The following ZNRF3 variants were observed in gnomAD, a reference collection of about 807,000 sequenced individuals.
ZNRF3 encodes the protein E3 ubiquitin-protein ligase ZNRF3.
In ZNRF3, 23 loss-of-function variants were observed where a neutral mutation model predicts 72.5. That is an observed-to-expected ratio of 0.32 (90% CI 0.23 to 0.45). The LOEUF (loss-of-function observed/expected upper bound fraction) is 0.45. ZNRF3 is among the 20% of genes least tolerant of loss of function. The pLI is 1.00. For missense variants in ZNRF3, 1,169 were observed against 1,272.1 expected (o/e 0.92, Z 1.23); for synonymous variants, 610 against 545.3 (o/e 1.12, Z -1.65).
intron 2 of ZNRF3, among the ~76,000 whole-genome samples, chr22:29,036,622 A>T (rs972196253): frequency 2.6e-5 from 4 of 152,250 alleles, no homozygotes; most frequent in Admixed American, 6.5e-5. Flanking sequence ...TTGGGTGGGT[A>T]TATAAGAGGA....
chr22:28,962,919 C>T (rs181879719), intron 1 of ZNRF3, among the ~76,000 whole-genome samples: 1 of 152,234 alleles, frequency 6.6e-6, no homozygotes, highest in Admixed American at 6.5e-5. Context: ...TGCACAGTGG[C>T]TTGTACCCTG....
At chr22:28,912,718 G>A (rs1448969581) in intron 1 of ZNRF3, among the ~76,000 whole-genome samples, 2 of 144,930 alleles carry the variant, frequency 1.4e-5, no homozygotes, top group Non-Finnish European at 3.0e-5. Context: ...AGGCTGGAGT[G>A]CAATGGTTCA....
intron 1 of ZNRF3, among the ~76,000 whole-genome samples, chr22:28,936,145 A>G (rs977088573): frequency 6.6e-6 from 1 of 152,076 alleles, no homozygotes; most frequent in Admixed American, 6.5e-5. Flanking sequence ...GTGAATCTCC[A>G]CTTACGGTGC....
Position 28,997,497 on chromosome 22 carries a change from AGGTTCCTGG to A in ZNRF3, c.426+10297_426+10305del, listed in dbSNP as rs2036063615. On this transcript the variant is annotated intron_variant, in intron 2 of 8. Transcript: ENST00000544604. The stretch of plus-strand genomic sequence containing the variant: ...TGCCCCATTGCCTGCCATGAACAAC[AGGTTCCTGG>A]TAGCCTTTGTGCTATGGTTCTGTTG... Among the ~76,000 whole-genome samples, 29 of 152,118 alleles carry A rather than the reference AGGTTCCTGG, an allele frequency of 1.9e-4. No individual in the cohort carries two copies. The South Asian group carries it at 6.0e-3, about 32-fold the overall frequency.
At chr22:29,024,976 C>CTGT in intron 2 of ZNRF3, 1 of 110,458 alleles carries the variant, frequency 9.1e-6, no homozygotes, top group Non-Finnish European at 1.8e-5. Context: ...CCCTGTGCTA[C>CTGT]TTTTTTTTTT....
chr22:29,020,221 A>T (rs2036506399), intron 2 of ZNRF3, among the ~76,000 whole-genome samples: 1 of 150,212 alleles, frequency 6.7e-6, no homozygotes, highest in African/African-American at 2.4e-5. Flanking sequence ...AAGGAAAAAA[A>T]GTCATGTTCA....
At chr22:28,997,222 G>T (rs2036059302) in intron 2 of ZNRF3, among the ~76,000 whole-genome samples, 1 of 152,120 alleles carries the variant, frequency 6.6e-6, no homozygotes, top group Non-Finnish European at 1.5e-5. Context: ...CTGAGCACGG[G>T]GCATACTGAC....
At chr22:28,925,020 A>G (rs132550) in intron 1 of ZNRF3, among the ~76,000 whole-genome samples, 129,378 of 152,210 alleles carry the variant, frequency 0.85, 55,738 homozygotes, top group East Asian at 0.95. Context: ...CCCAGTTAAG[A>G]TGGTATCCCT....
At position 29,050,791 on chromosome 22, in the gene ZNRF3, G is replaced by C. The variant is rs1234147277; in HGVS notation, c.2610G>C (p.Leu870=). ...GPDTPRPHRG[L]GATREEERAL... is the part of the protein sequence containing the mutation. ...ATACCCCACGGCCCCACAGGGGCCTGGGAGCAACCCGGGAAGAGGAGCGGG... is the reference window on the plus strand; with the variant it reads ...ATACCCCACGGCCCCACAGGGGCCTCGGAGCAACCCGGGAAGAGGAGCGGG... Residue 870 remains leucine, a synonymous_variant, in exon 8 of 9, where the codon CTG becomes CTC. Coordinates refer to ENST00000544604, the MANE Select transcript of ZNRF3 (RefSeq NM_001206998.2). 2 of 1,608,022 alleles carry C rather than the reference G, an allele frequency of 1.2e-6. No individual in the cohort carries two copies. Among genetic ancestry groups the C allele is most frequent in the Admixed American group, 1.7e-5 (1 of 59,284 alleles).
chr22:28,998,678 A>T (rs1601645927), intron 2 of ZNRF3, among the ~76,000 whole-genome samples: 1 of 152,258 alleles, frequency 6.6e-6, no homozygotes, highest in African/African-American at 2.4e-5. Context: ...ATCTTCCATG[A>T]ACCTCTTGGT....
intron 1 of ZNRF3, among the ~76,000 whole-genome samples, chr22:28,971,196 AT>A (rs1415105845): frequency 2.0e-5 from 3 of 151,892 alleles, no homozygotes; most frequent in South Asian, 2.1e-4. Flanking sequence ...CTCTAAAAAA[AT>A]GTTTTTTTTT....
At chr22:28,938,128 C>T (rs1276059221) in intron 1 of ZNRF3, among the ~76,000 whole-genome samples, 2 of 152,136 alleles carry the variant, frequency 1.3e-5, no homozygotes, top group East Asian at 3.8e-4. Flanking sequence ...CCTCTTCACT[C>T]CTACCATCCC....
At chr22:29,033,750 A>G (rs907184191) in intron 2 of ZNRF3, among the ~76,000 whole-genome samples, 3 of 152,150 alleles carry the variant, frequency 2.0e-5, no homozygotes, top group Non-Finnish European at 2.9e-5. Context: ...ACTTTGCCCC[A>G]TGGGTGGAGG....
In ZNRF3 at chr22:28,920,713, T is replaced by C. The variant is rs140113049; in HGVS notation, c.300+36647T>C. On this transcript the variant is annotated intron_variant, in intron 1 of 8. Coordinates refer to ENST00000544604, the MANE Select transcript of ZNRF3 (RefSeq NM_001206998.2). ...CTTTTTTCCCTCTCATTAGAAAGGG[T>C]TGGGAAGATGGCTGCTCTGTAACTG... Among the ~76,000 whole-genome samples the C allele has an allele frequency of 3.0e-3, 461 of 152,278 alleles. 2 individuals are homozygous for C. The highest frequency in any genetic ancestry group is 0.011 in the African/African-American group (443 of 41,544).
At chr22:28,904,544 G>A (rs1450757385) in intron 1 of ZNRF3, among the ~76,000 whole-genome samples, 1 of 152,154 alleles carries the variant, frequency 6.6e-6, no homozygotes, top group Non-Finnish European at 1.5e-5. Flanking sequence ...CGCCTTTGAT[G>A]TTCCCAAATA....
chr22:28,914,515 T>A (rs958828463), intron 1 of ZNRF3, among the ~76,000 whole-genome samples: 5 of 147,016 alleles, frequency 3.4e-5, no homozygotes, highest in African/African-American at 7.6e-5. Flanking sequence ...TTTTTTTTTT[T>A]AAACTTTAAA....
intron 1 of ZNRF3, among the ~76,000 whole-genome samples, chr22:28,888,528 C>G (rs1465650338): frequency 6.6e-6 from 1 of 152,102 alleles, no homozygotes; most frequent in Non-Finnish European, 1.5e-5. Context: ...ATTCTTAGAG[C>G]CCCTTATTTT....
chr22:29,048,192 C>G lies in ZNRF3; in HGVS notation c.913-197C>G, dbSNP rs2037109383. On this transcript the variant is annotated intron_variant, in intron 6 of 8. Coordinates refer to ENST00000544604, the MANE Select transcript of ZNRF3 (RefSeq NM_001206998.2). This position sits in a 1 kb window ranked among gnomAD's most constrained non-coding sequence, Gnocchi z 4.9. Reference sequence around the variant, plus strand: ...CACTGAGGACTGTGGATGGGGCTGACTGCTGGCAGTTTCCTTCTTCCTAGA... The same window carrying G: ...CACTGAGGACTGTGGATGGGGCTGAGTGCTGGCAGTTTCCTTCTTCCTAGA... Among the ~76,000 whole-genome samples the G allele has an allele frequency of 6.6e-6, 1 of 152,202 alleles. No individual in the cohort carries two copies. Among genetic ancestry groups the G allele is most frequent in the Admixed American group, 6.5e-5 (1 of 15,286 alleles).
intron 2 of ZNRF3, among the ~76,000 whole-genome samples, chr22:28,990,613 T>G (rs1476185960): frequency 1.3e-5 from 2 of 151,792 alleles, no homozygotes; most frequent in Non-Finnish European, 1.5e-5. Context: ...GAGGTGGAGG[T>G]TGGAGTGTGC....
Sources: allele counts gnomAD v4.1 joint callset (sites outside exome capture counted in the v4.1 genomes callset), GRCh38; gene constraint gnomAD v4.1.1; non-coding constraint Gnocchi (gnomAD v3.1); transcripts MANE v1.5; gene names NCBI Gene and HGNC (gene_info 2026-07-23, HGNC 2026-07-21).